Variants in ADCY10 observed in about 807,000 individuals in gnomAD.
ADCY10 encodes the protein adenylate cyclase 10, also known as adenylate cyclase type 10.
Under a neutral mutation model 183.3 loss-of-function variants are expected in ADCY10, and 156 were observed. The observed-to-expected ratio is 0.85, with a 90% CI of 0.75 to 0.97. The LOEUF is 0.97. Ranked by LOEUF, ADCY10 falls within the 50% of genes least tolerant of loss-of-function variation. The pLI, the probability that ADCY10 is intolerant of heterozygous loss-of-function variation, is 0.00. For missense variants in ADCY10, 1,745 were observed against 1,934.3 expected, an observed-to-expected ratio of 0.90 and a Z score of 1.84; for synonymous variants, 645 against 670.0, an observed-to-expected ratio of 0.96 and a Z score of 0.58.
rs762098457 is a variant in ADCY10 at position 167,880,493 on chromosome 1, G to A, written c.1137C>T (p.Ile379=). The A allele has an allele frequency of 4.3e-5, 70 of 1,611,676 alleles. No homozygotes were observed. The highest frequency in any genetic ancestry group is 5.6e-5 in the Non-Finnish European group (66 of 1,177,854). Residue 379 remains isoleucine (I), a splice_region_variant and synonymous_variant, in exon 10 of 33, where the codon ATC becomes ATT. Coordinates refer to ENST00000367851, the MANE Select transcript of ADCY10 (RefSeq NM_018417.6). ...GTGGGACCAGGGTCAATACTCACTG[G>A]ATTTTGTGGACTTGAGAGCAGAAGT... ...IFDFCSQVHK[I]QTVSIGVASG...
chr1:167,871,194 T>G (rs1667082577), intron 13 of ADCY10, among the ~76,000 whole-genome samples: 1 of 152,186 alleles, frequency 6.6e-6, no homozygotes, highest in African/African-American at 2.4e-5. Context: ...TAAAATATTT[T>G]TATTTCTGAT....
chr1:167,912,356 G>A (rs562634769), intron 1 of ADCY10, among the ~76,000 whole-genome samples: 19 of 152,286 alleles, frequency 1.2e-4, no homozygotes, highest in East Asian at 1.2e-3. Flanking sequence ...ACCCAACATG[G>A]CGATTCCGGA....
chr1:167,869,584 C>T (rs927399942), intron 14 of ADCY10, among the ~76,000 whole-genome samples: 2 of 152,170 alleles, frequency 1.3e-5, no homozygotes, highest in African/African-American at 4.8e-5. Flanking sequence ...TAAAATTCGA[C>T]CCCTGACCTA....
intron 14 of ADCY10, among the ~76,000 whole-genome samples, chr1:167,861,699 C>T (rs1666298471): frequency 3.3e-5 from 5 of 152,188 alleles, no homozygotes; most frequent in Admixed American, 3.3e-4. Context: ...TATTGCATGA[C>T]TCTATCGTTG....
At chr1:167,886,443 A>C (rs946963696) in intron 8 of ADCY10, among the ~76,000 whole-genome samples, 2 of 152,146 alleles carry the variant, frequency 1.3e-5, no homozygotes, top group Non-Finnish European at 2.9e-5. Context: ...GACAAGAAAT[A>C]GGGAAAGGAT....
In ADCY10 at chr1:167,866,291, C is replaced by A. The variant is rs542941957; in HGVS notation, c.1616+3966G>T. On this transcript the variant is annotated intron_variant, in intron 14 of 32. Coordinates refer to ENST00000367851, the MANE Select transcript of ADCY10 (RefSeq NM_018417.6). The stretch of plus-strand genomic sequence containing the variant: ...CCCCTTATAGGTCTTTCGACTCTCA[C>A]GTCCATTTAGACGCAATTGGAGTCC... Among the ~76,000 whole-genome samples the A allele has an allele frequency of 2.0e-5, 3 of 152,286 alleles. No homozygotes were observed. The East Asian group carries it at 5.8e-4, about 29-fold the overall frequency.
At chr1:167,907,533 C>T (rs1385525483) in intron 1 of ADCY10, among the ~76,000 whole-genome samples, 3 of 152,162 alleles carry the variant, frequency 2.0e-5, no homozygotes, top group African/African-American at 7.2e-5. Flanking sequence ...TTCACTTTTA[C>T]TCATGGCATT....
intron 8 of ADCY10, 43 bp downstream of exon 8, chr1:167,893,810 T>G (rs775522927): frequency 7.4e-7 from 1 of 1,354,406 alleles, no homozygotes; most frequent in Non-Finnish European, 1.1e-6. Context: ...GCTGTCCAGA[T>G]CCCTGACATC....
chr1:167,892,850 T>C (rs1437309346), intron 8 of ADCY10, among the ~76,000 whole-genome samples: 1 of 152,110 alleles, frequency 6.6e-6, no homozygotes, highest in Non-Finnish European at 1.5e-5. Flanking sequence ...TGTGCAAAAA[T>C]TGTAGAAGTC....
At position 167,834,031 on chromosome 1, in the gene ADCY10, T is replaced by C. The variant is rs1664000630; in HGVS notation, c.3356A>G (p.Lys1119Arg). ...TGTCTGGCTCCAAGATTTGTCCTTCTTGAGAGTTTTTAGCAACTTCTGTCC... is the reference window on the plus strand; with the variant it reads ...TGTCTGGCTCCAAGATTTGTCCTTCCTGAGAGTTTTTAGCAACTTCTGTCC... ...NEGQKLLKTLKKDKSWSQTFE... is the reference protein window; with the variant it reads ...NEGQKLLKTLRKDKSWSQTFE... Residue 1119 changes from lysine to arginine, a missense_variant, in exon 24 of 33, where the codon AAG becomes AGG. By Grantham distance (26) the Lys-to-Arg change is conservative (BLOSUM62 2). Coordinates refer to ENST00000367851, the MANE Select transcript of ADCY10 (RefSeq NM_018417.6). The C allele has an allele frequency of 3.1e-6, 5 of 1,614,218 alleles. No individual in the cohort carries two copies. The highest frequency in any genetic ancestry group is 3.4e-6 in the Non-Finnish European group (4 of 1,180,044).
chr1:167,896,621 T>C lies in ADCY10; in HGVS notation c.713A>G (p.His238Arg). Residue 238 changes from histidine (H) to arginine (R), a missense_variant, in exon 7 of 33, where the codon CAT becomes CGT. Physicochemically the swap from His to Arg is conservative, Grantham distance 29. Transcript: ENST00000367851. ...EFFTKCTTFMHYYPSGEHKNL... is the reference protein window; with the variant it reads ...EFFTKCTTFMRYYPSGEHKNL... ...TTTGTGCTCACCAGAAGGATAATAA[T>C]GCATGAAGGTCGTACACTTTGTGAA... 4 of 1,613,636 alleles carry C rather than the reference T, an allele frequency of 2.5e-6. No homozygotes were observed. Among genetic ancestry groups the C allele is most frequent in the East Asian group, 4.5e-5 (2 of 44,880 alleles).
intron 13 of ADCY10, among the ~76,000 whole-genome samples, chr1:167,872,999 C>A (rs1029656942): frequency 1.1e-4 from 17 of 151,060 alleles, no homozygotes; most frequent in African/African-American, 4.1e-4. Flanking sequence ...GAACCCGGGA[C>A]GCAGAGGTTG....
chr1:167,860,818 T>A, intron 15 of ADCY10, 53 bp downstream of exon 15: 1 of 1,468,004 alleles, frequency 6.8e-7, no homozygotes, highest in Non-Finnish European at 9.5e-7. Flanking sequence ...CAGAGAGGAG[T>A]TGCTGTGCCT....
chr1:167,815,450 C>T (rs1221372114), intron 31 of ADCY10, among the ~76,000 whole-genome samples: 2 of 152,146 alleles, frequency 1.3e-5, no homozygotes, highest in Non-Finnish European at 2.9e-5. Context: ...CATTATGTCC[C>T]ACCTAAGGAA....
intron 11 of ADCY10, among the ~76,000 whole-genome samples, chr1:167,878,874 G>T (rs1358364297): frequency 6.6e-6 from 1 of 152,192 alleles, no homozygotes; most frequent in Non-Finnish European, 1.5e-5. Context: ...AGAATGACCT[G>T]CTCAGGGATG....
chr1:167,906,216 A>G (rs1669802576), intron 1 of ADCY10, among the ~76,000 whole-genome samples: 1 of 152,290 alleles, frequency 6.6e-6, no homozygotes, highest in South Asian at 2.1e-4. Flanking sequence ...ACAAACTTTA[A>G]AATGTATATA....
Position 167,820,058 on chromosome 1 carries a change from C to G in ADCY10, c.4287-1791G>C. 1.1e-5 allele frequency: 17 copies of G among 1,574,348 alleles called. 1 individual carries two copies. The highest frequency in any genetic ancestry group is 4.5e-5 in the South Asian group (4 of 89,172). ...CAGTTCTACGTTTCAAAGCCTCTTTCGTTACTCATCCTTGAGATAAAATTT... is the reference window on the plus strand; with the variant it reads ...CAGTTCTACGTTTCAAAGCCTCTTTGGTTACTCATCCTTGAGATAAAATTT... On this transcript the variant is annotated intron_variant, in intron 30 of 32. Transcript: ENST00000367851.
intron 11 of ADCY10, among the ~76,000 whole-genome samples, chr1:167,879,628 T>C (rs892690002): frequency 3.3e-5 from 5 of 152,188 alleles, no homozygotes; most frequent in African/African-American, 1.2e-4. Context: ...GTATTTTACA[T>C]ATATTCAGTA....
At chr1:167,905,251 C>T in intron 1 of ADCY10, 53 bp from the exon 2 acceptor site, 2 of 1,290,066 alleles carry the variant, frequency 1.6e-6, no homozygotes, top group Non-Finnish European at 1.1e-6. Flanking sequence ...TGCTCATTTT[C>T]CTATTGCTCT....
Sources: allele counts gnomAD v4.1 joint callset (sites outside exome capture counted in the v4.1 genomes callset), GRCh38; gene constraint gnomAD v4.1.1; transcripts MANE v1.5; gene names NCBI Gene and HGNC (gene_info 2026-07-23, HGNC 2026-07-21).